The following TRAP1 variants were observed in gnomAD, a reference collection of about 807,000 sequenced individuals.
TRAP1 encodes TNF receptor associated protein 1, also known as heat shock protein 75 kDa, mitochondrial.
In TRAP1, 102 loss-of-function variants were observed where a neutral mutation model predicts 89.1. The ratio of observed to expected loss-of-function variants is 1.15; its 90% CI spans 0.98 to 1.35. The LOEUF is 1.35. TRAP1 is among the 40% of genes most tolerant of loss of function. TRAP1 has a pLI of 0.00. For missense variants in TRAP1, 1,256 were observed against 945.3 expected (o/e 1.33, Z -4.31); for synonymous variants, 508 against 388.0 (o/e 1.31, Z -3.64).
At chr16:3,674,029 T>C (rs556435068) in intron 9 of TRAP1, among the ~76,000 whole-genome samples, 13 of 152,184 alleles carry the variant, frequency 8.5e-5, no homozygotes, top group Non-Finnish European at 1.8e-4. Context: ...TCCCTCGCCA[T>C]GTGTGACCCC....
At position 3,679,462 on chromosome 16, in the gene TRAP1, C is replaced by G. The variant is rs572896739; in HGVS notation, c.543+257G>C. Reference sequence around the variant, plus strand: ...GAAGATGTGTCTACAATATACGGCACCAATTTAATCCGGGACTGGAGCATC... The same window carrying G: ...GAAGATGTGTCTACAATATACGGCAGCAATTTAATCCGGGACTGGAGCATC... On this transcript the variant is annotated intron_variant, in intron 5 of 17. Transcript: ENST00000246957. 3.3e-5 allele frequency among the ~76,000 whole-genome samples: 5 copies of G among 152,250 alleles called. No homozygotes were observed. In the South Asian group the frequency reaches 1.0e-3, roughly 32 times the overall value.
At chr16:3,662,420 G>C (rs1017719172) in intron 15 of TRAP1, 4 of 560,584 alleles carry the variant, frequency 7.1e-6, no homozygotes, top group Non-Finnish European at 1.3e-5. Flanking sequence ...AGCCCACCCT[G>C]CATGAGGCCC....
chr16:3,692,742 G>A (rs1449219686), intron 1 of TRAP1, among the ~76,000 whole-genome samples: 2 of 150,330 alleles, frequency 1.3e-5, no homozygotes, highest in Non-Finnish European at 3.0e-5. Flanking sequence ...GGGTTTACAG[G>A]CGCCTGCCAC....
At chr16:3,705,164 A>G (rs1053731264) in intron 1 of TRAP1, among the ~76,000 whole-genome samples, 1 of 152,048 alleles carries the variant, frequency 6.6e-6, no homozygotes, top group Non-Finnish European at 1.5e-5. Context: ...TCCTGGGTTC[A>G]TGCCATTCTC....
chr16:3,711,060 G>C (rs1309779742), intron 1 of TRAP1, among the ~76,000 whole-genome samples: 1 of 148,758 alleles, frequency 6.7e-6, no homozygotes, highest in Non-Finnish European at 1.5e-5. Flanking sequence ...TTTTTTGGTA[G>C]AGATGGGGGT....
intron 1 of TRAP1, among the ~76,000 whole-genome samples, chr16:3,714,420 G>A (rs1221992372): frequency 2.6e-5 from 4 of 152,170 alleles, no homozygotes; most frequent in East Asian, 3.8e-4. Flanking sequence ...CAGCATTTTG[G>A]GAGGCCAAGG....
chr16:3,700,836 A>T (rs550799934), intron 1 of TRAP1, among the ~76,000 whole-genome samples: 1 of 152,352 alleles, frequency 6.6e-6, no homozygotes, highest in Non-Finnish European at 1.5e-5. Flanking sequence ...TTTAAAAAGC[A>T]TTAGATAAAC....
At chr16:3,698,819 G>C (rs1456589813) in intron 1 of TRAP1, among the ~76,000 whole-genome samples, 1 of 151,980 alleles carries the variant, frequency 6.6e-6, no homozygotes, top group African/African-American at 2.4e-5. Flanking sequence ...CTGCAAGGCA[G>C]AGGTTGCAGT....
intron 1 of TRAP1, among the ~76,000 whole-genome samples, chr16:3,696,938 G>A (rs1048533089): frequency 1.3e-5 from 2 of 152,046 alleles, no homozygotes; most frequent in African/African-American, 2.4e-5. Flanking sequence ...TGTTGCCCAG[G>A]CTGGTCTCAA....
rs1327062666 is a variant in TRAP1 at position 3,672,774 on chromosome 16, G to A, written c.1091C>T (p.Ala364Val). 5 of 1,612,614 alleles carry A rather than the reference G, an allele frequency of 3.1e-6. No homozygotes were observed. Among genetic ancestry groups the A allele is most frequent in the Non-Finnish European group, 4.2e-6 (5 of 1,179,514 alleles). ...GATGAGGACTTTGCGGCTGTACAGT[G>A]CAACGCTGGAGCCCAGCTCCCGGCT... is the stretch of plus-strand genomic sequence containing the variant. ...DVSRELGSSV[A>V]LYSRKVLIQT... Residue 364 changes from alanine (A) to valine (V), a missense_variant, in exon 10 of 18, where the codon GCA becomes GTA. Coordinates refer to ENST00000246957, the MANE Select transcript of TRAP1 (RefSeq NM_016292.3).
chr16:3,675,453 G>C (rs2050977011), intron 7 of TRAP1, 56 bp from the exon 8 acceptor site: 2 of 1,564,962 alleles, frequency 1.3e-6, no homozygotes, highest in African/African-American at 1.4e-5. Flanking sequence ...GGAAACGCAA[G>C]CTTTGCAGCA....
intron 1 of TRAP1, among the ~76,000 whole-genome samples, chr16:3,701,451 G>A (rs2051363307): frequency 1.3e-5 from 2 of 151,962 alleles, no homozygotes; most frequent in African/African-American, 4.8e-5. Flanking sequence ...ACTTTGGGAG[G>A]CTGAAACAGG....
chr16:3,678,862 A>C (rs73489730), intron 5 of TRAP1, among the ~76,000 whole-genome samples: 2,454 of 152,272 alleles, frequency 0.016, 55 homozygotes, highest in African/African-American at 0.055. Flanking sequence ...TCTGAGTCCA[A>C]ATGTGTTGCT....
At chr16:3,658,518 A>G (rs2042857345) in intron 17 of TRAP1, 1 of 569,678 alleles carries the variant, frequency 1.8e-6, no homozygotes, top group South Asian at 2.1e-5. Context: ...CCCCATCTCT[A>G]CTAAAATACA....
rs192869535 is a variant in TRAP1, at chr16:3,662,060, G to A, written c.1867C>T (p.Arg623Cys). 5.8e-5 allele frequency: 93 copies of A among 1,613,424 alleles called. No individual in the cohort carries two copies. The highest frequency in any genetic ancestry group is 1.3e-4 in the South Asian group (12 of 91,072). Residue 623 changes from arginine to cysteine, a missense_variant, in exon 16 of 18, where the codon CGC (arginine) becomes TGC (cysteine). Coordinates refer to ENST00000246957, the MANE Select transcript of TRAP1 (RefSeq NM_016292.3). ...LEMGAARHFL[R>C]MQQLAKTQEE... ...TGGGTCTTGGCCAGCTGCTGCATGCGCAGGAAGTGGCGGGCAGCCCCCATC... is the reference window on the plus strand; with the variant it reads ...TGGGTCTTGGCCAGCTGCTGCATGCACAGGAAGTGGCGGGCAGCCCCCATC...
At chr16:3,673,474 C>T (rs371425000) in intron 9 of TRAP1, among the ~76,000 whole-genome samples, 1 of 152,348 alleles carries the variant, frequency 6.6e-6, no homozygotes, top group South Asian at 2.1e-4. Flanking sequence ...CACCTCATCA[C>T]GGGATCTGGT....
chr16:3,675,489 G>A (rs1318563345), intron 7 of TRAP1, 92 bp from the exon 8 acceptor site: 9 of 1,262,872 alleles, frequency 7.1e-6, no homozygotes, highest in East Asian at 2.3e-5. Flanking sequence ...CCAGCCTGCT[G>A]GGAAGGGTCC....
At chr16:3,711,838 G>A (rs896087559) in intron 1 of TRAP1, among the ~76,000 whole-genome samples, 1 of 152,190 alleles carries the variant, frequency 6.6e-6, no homozygotes, top group Non-Finnish European at 1.5e-5. Flanking sequence ...GTAGAAGGCA[G>A]GTCTTCAGTA....
intron 1 of TRAP1, among the ~76,000 whole-genome samples, chr16:3,713,318 C>A (rs1214929977): frequency 6.6e-6 from 1 of 152,146 alleles, no homozygotes; most frequent in African/African-American, 2.4e-5. Context: ...AAGGGGAGGG[C>A]GCAGCAGGCA....
Sources: gnomAD v4.1 joint callset for allele counts (sites outside exome capture counted in the v4.1 genomes callset) on GRCh38, gnomAD v4.1.1 for gene constraint, MANE v1.5 for transcripts, NCBI Gene and HGNC (gene_info 2026-07-23, HGNC 2026-07-21) for gene names.